CACNA1D: variants seen among roughly 807,000 people sequenced by gnomAD.
The protein encoded by CACNA1D is voltage-dependent L-type calcium channel subunit alpha-1D.
In CACNA1D, 55 loss-of-function variants were observed where a neutral mutation model predicts 257.1. That is an observed-to-expected ratio of 0.21 (90% CI 0.17 to 0.27). The LOEUF (loss-of-function observed/expected upper bound fraction) is 0.27. CACNA1D is among the 10% of genes least tolerant of loss of function. CACNA1D has a pLI of 1.00. For synonymous variants in CACNA1D, 980 were observed against 1,014.9 expected (o/e 0.97, Z 0.65); for missense variants, 1,876 against 2,784.0 (o/e 0.67, Z 7.34).
At chr3:53,580,159 T>C (rs1264655799) in intron 3 of CACNA1D, among the ~76,000 whole-genome samples, 1 of 152,202 alleles carries the variant, frequency 6.6e-6, no homozygotes, top group Non-Finnish European at 1.5e-5. Context: ...TGTGCCATGC[T>C]GAAAAAATGA....
At chr3:53,701,921 C>T (rs2094629529) in intron 8 of CACNA1D, among the ~76,000 whole-genome samples, 1 of 152,192 alleles carries the variant, frequency 6.6e-6, no homozygotes, top group Non-Finnish European at 1.5e-5. Flanking sequence ...TATGCCTCTT[C>T]CCCTCCTGCA....
intron 3 of CACNA1D, among the ~76,000 whole-genome samples, chr3:53,535,246 G>A (rs565746176): frequency 3.3e-5 from 5 of 152,296 alleles, no homozygotes; most frequent in South Asian, 2.1e-4. Flanking sequence ...CATCGGTGAC[G>A]TAAAGGCAGG....
At chr3:53,719,190 G>C (rs754648912) in intron 10 of CACNA1D, among the ~76,000 whole-genome samples, 2 of 152,218 alleles carry the variant, frequency 1.3e-5, no homozygotes, top group Admixed American at 6.5e-5. Flanking sequence ...ACTCTTGGCA[G>C]AGTTTCATAA....
intron 9 of CACNA1D, among the ~76,000 whole-genome samples, chr3:53,713,252 C>A (rs913639692): frequency 6.6e-6 from 1 of 152,136 alleles, no homozygotes; most frequent in Admixed American, 6.5e-5. Flanking sequence ...GTAAATGGAT[C>A]TTAGAGATGA....
intron 3 of CACNA1D, among the ~76,000 whole-genome samples, chr3:53,538,676 C>G (rs1172493474): frequency 6.6e-6 from 1 of 152,174 alleles, no homozygotes; most frequent in African/African-American, 2.4e-5. Flanking sequence ...ATAGCTTTCT[C>G]TCTTTCTGGT....
At chr3:53,581,937 C>G (rs1372689006) in intron 3 of CACNA1D, among the ~76,000 whole-genome samples, 2 of 152,126 alleles carry the variant, frequency 1.3e-5, no homozygotes, top group African/African-American at 4.8e-5. Flanking sequence ...GCTGCTGTCT[C>G]CAGTGGAGGC....
At chr3:53,788,283 G>A (rs1167215569) in intron 40 of CACNA1D, among the ~76,000 whole-genome samples, 2 of 152,080 alleles carry the variant, frequency 1.3e-5, no homozygotes, top group Admixed American at 1.3e-4. Flanking sequence ...AGGCATATGC[G>A]GGTTGGCAGG....
At chr3:53,656,034 G>T (rs1449886658) in intron 4 of CACNA1D, among the ~76,000 whole-genome samples, 14 of 152,158 alleles carry the variant, frequency 9.2e-5, no homozygotes, top group Non-Finnish European at 1.8e-4. Context: ...ATTGAATAGG[G>T]AGTCCTTTCC....
chr3:53,776,471 A>G, intron 35 of CACNA1D, 132 bp from the exon 36 acceptor site: 1 of 1,053,856 alleles, frequency 9.5e-7, no homozygotes, highest in Non-Finnish European at 1.4e-6. Context: ...TTCTCCAAAT[A>G]GAAAGTTTTT....
In CACNA1D at chr3:53,594,076, T is replaced by C. The variant is rs561873797; in HGVS notation, c.484-56703T>C. The stretch of plus-strand genomic sequence containing the variant: ...GCCTGGCAGAGTCTGACAAGGAGTC[T>C]GTGAGGTAGGGAGTGTGCACGTGTG... On this transcript the variant is annotated intron_variant, in intron 3 of 47. Transcript: ENST00000350061. 2.0e-5 allele frequency among the ~76,000 whole-genome samples: 3 copies of C among 152,306 alleles called. No individual in the cohort carries two copies. In the East Asian group the frequency reaches 5.8e-4, roughly 29 times the overall value.
intron 3 of CACNA1D, among the ~76,000 whole-genome samples, chr3:53,598,153 A>G (rs1160351770): frequency 6.6e-6 from 1 of 152,198 alleles, no homozygotes; most frequent in Non-Finnish European, 1.5e-5. Context: ...CTTGGCAGTA[A>G]GAATAGTGGA....
chr3:53,706,236 T>C (rs572974120), intron 9 of CACNA1D, among the ~76,000 whole-genome samples: 91 of 152,280 alleles, frequency 6.0e-4, no homozygotes, highest in African/African-American at 2.0e-3. Context: ...ACCTTGAGGA[T>C]TGAAGTGACA....
chr3:53,745,814 T>C lies in CACNA1D; in HGVS notation c.3115-9T>C, dbSNP rs1559613749. 5.0e-6 allele frequency: 8 copies of C among 1,612,504 alleles called. No homozygotes were observed. The highest frequency in any genetic ancestry group is 6.8e-6 in the Non-Finnish European group (8 of 1,178,432). On this transcript the variant is annotated splice_polypyrimidine_tract_variant and intron_variant, in intron 24 of 47. Transcript: ENST00000350061. ...CATTTACTTAACTGCCTGTCTATTT[T>C]ATACCCAGGGGAAGTTCTATCGCTG...
At chr3:53,573,286 G>A (rs996253234) in intron 3 of CACNA1D, among the ~76,000 whole-genome samples, 9 of 152,164 alleles carry the variant, frequency 5.9e-5, no homozygotes, top group African/African-American at 9.7e-5. Flanking sequence ...CCGTAGGAGC[G>A]TCCTTTTATT....
intron 2 of CACNA1D, among the ~76,000 whole-genome samples, chr3:53,500,618 G>A (rs1420361977): frequency 2.6e-5 from 4 of 152,182 alleles, no homozygotes; most frequent in Admixed American, 6.5e-5. Flanking sequence ...GTGTATAGGC[G>A]AAGCACTGTG....
At chr3:53,614,430 G>T (rs1439423760) in intron 3 of CACNA1D, among the ~76,000 whole-genome samples, 2 of 152,182 alleles carry the variant, frequency 1.3e-5, no homozygotes, top group African/African-American at 4.8e-5. Flanking sequence ...ACTCCCCGAG[G>T]TGTAGGAGGT....
intron 8 of CACNA1D, among the ~76,000 whole-genome samples, chr3:53,697,961 G>GT (rs1170578798): frequency 2.6e-5 from 4 of 152,170 alleles, no homozygotes. Flanking sequence ...AATGGGGAAT[G>GT]TTATTAGAGA....
At chr3:53,498,832 A>G (rs2090460219) in intron 2 of CACNA1D, among the ~76,000 whole-genome samples, 1 of 152,322 alleles carries the variant, frequency 6.6e-6, no homozygotes, top group East Asian at 1.9e-4. Context: ...AGGGGTTCTC[A>G]TGTGCTTTTT....
chr3:53,565,367 C>G (rs2092816066), intron 3 of CACNA1D, among the ~76,000 whole-genome samples: 1 of 152,096 alleles, frequency 6.6e-6, no homozygotes, highest in South Asian at 2.1e-4. Flanking sequence ...TGCATACACA[C>G]ATTGGGGCTT....
Sources: allele counts gnomAD v4.1 joint callset (sites outside exome capture counted in the v4.1 genomes callset), GRCh38; gene constraint gnomAD v4.1.1; transcripts MANE v1.5; gene names NCBI Gene and HGNC (gene_info 2026-07-23, HGNC 2026-07-21).